OPHN1: variants seen among roughly 807,000 people sequenced by gnomAD.
The protein encoded by OPHN1 is oligophrenin-1.
In OPHN1, 11 loss-of-function variants were observed where a neutral mutation model predicts 60.7. The observed-to-expected ratio is 0.18, with a 90% CI of 0.11 to 0.30. The LOEUF (loss-of-function observed/expected upper bound fraction) is 0.30, where lower values mean the gene tolerates loss of function less well. OPHN1 is among the 10% of genes least tolerant of loss of function. The probability of loss-of-function intolerance (pLI) is 1.00; values close to 1 mark genes in which losing one functional copy is unlikely to be tolerated. For missense variants in OPHN1, 449 were observed against 611.0 expected (o/e 0.73, Z 2.80); for synonymous variants, 226 against 222.6 (o/e 1.02, Z -0.14).
intron 4 of OPHN1, among the ~76,000 whole-genome samples, chrX:68,279,764 G>C (rs752982912): frequency 5.4e-5 from 6 of 111,557 alleles, no homozygotes; most frequent in Non-Finnish European, 9.4e-5. Flanking sequence ...GTGGGAAATA[G>C]GGAGCAAACA....
intron 21 of OPHN1, among the ~76,000 whole-genome samples, chrX:68,061,863 C>T (rs955944306): frequency 5.4e-5 from 6 of 111,257 alleles, no homozygotes; most frequent in Non-Finnish European, 7.5e-5. Flanking sequence ...CCCTCCCATC[C>T]GCACACTGAA....
At chrX:68,069,010 A>G (rs1222565101) in intron 20 of OPHN1, among the ~76,000 whole-genome samples, 1 of 112,070 alleles carries the variant, frequency 8.9e-6, no homozygotes, top group Non-Finnish European at 1.9e-5. Context: ...TTTACTAAAA[A>G]CCATTAAACT....
At chrX:68,118,036 T>C (rs990499019) in intron 16 of OPHN1, among the ~76,000 whole-genome samples, 20 of 112,045 alleles carry the variant, frequency 1.8e-4, no homozygotes, top group Non-Finnish European at 1.9e-5. Context: ...AAAGTATTTG[T>C]AACAGATTGC....
chrX:68,151,382 T>G (rs758801324), intron 15 of OPHN1, among the ~76,000 whole-genome samples: 6 of 112,189 alleles, frequency 5.3e-5, no homozygotes, highest in Non-Finnish European at 1.1e-4. Context: ...CCAGTCTTAG[T>G]AGGTATGAGT....
intron 15 of OPHN1, among the ~76,000 whole-genome samples, chrX:68,185,056 C>A (rs1204083614): frequency 8.9e-6 from 1 of 112,602 alleles, no homozygotes; most frequent in East Asian, 2.8e-4. Context: ...TGAAGAATCA[C>A]CTCTGACTAG....
chrX:68,307,486 G>A (rs983408443), intron 2 of OPHN1, among the ~76,000 whole-genome samples: 4 of 108,277 alleles, frequency 3.7e-5, no homozygotes, highest in Admixed American at 1.0e-4. Flanking sequence ...AATTTATAGC[G>A]AATGGATATA....
intron 18 of OPHN1, among the ~76,000 whole-genome samples, chrX:68,104,895 T>G (rs1227075695): frequency 9.0e-6 from 1 of 111,228 alleles, no homozygotes; most frequent in East Asian, 2.8e-4. Flanking sequence ...GGGAGAAAAT[T>G]TTTGCAATCT....
intron 20 of OPHN1, among the ~76,000 whole-genome samples, chrX:68,070,288 A>AT (rs1473131961): frequency 7.2e-5 from 8 of 111,488 alleles, no homozygotes; most frequent in Non-Finnish European, 1.5e-4. Flanking sequence ...TAGAATGCAC[A>AT]ATGGTTTAGT....
intron 2 of OPHN1, among the ~76,000 whole-genome samples, chrX:68,314,026 A>C (rs1181699569): frequency 9.0e-6 from 1 of 110,879 alleles, no homozygotes; most frequent in Non-Finnish European, 1.9e-5. Context: ...AAAAGAAATA[A>C]ATGAGAGGAC....
chrX:68,342,751 G>A (rs2078359251), intron 2 of OPHN1, among the ~76,000 whole-genome samples: 1 of 110,467 alleles, frequency 9.1e-6, no homozygotes, highest in Non-Finnish European at 1.9e-5. Flanking sequence ...AGACCAGCCT[G>A]GGCAGCATGG....
intron 11 of OPHN1, among the ~76,000 whole-genome samples, chrX:68,198,029 C>T (rs1258794926): frequency 2.7e-5 from 3 of 111,221 alleles, no homozygotes; most frequent in African/African-American, 9.8e-5. Context: ...CCATATTCTT[C>T]ATTACTACAA....
chrX:68,193,625 A>G (rs1332590586), intron 14 of OPHN1, among the ~76,000 whole-genome samples: 1 of 111,808 alleles, frequency 8.9e-6, no homozygotes, highest in Non-Finnish European at 1.9e-5. Context: ...TTAGGATAGA[A>G]CCATCATGAC....
intron 2 of OPHN1, among the ~76,000 whole-genome samples, chrX:68,387,758 C>T (rs916946151): frequency 9.0e-6 from 1 of 111,572 alleles, no homozygotes; most frequent in African/African-American, 3.3e-5. Flanking sequence ...CATGTTCCTG[C>T]CCTGAAGGAA....
intron 15 of OPHN1, among the ~76,000 whole-genome samples, chrX:68,161,075 A>G (rs2077332235): frequency 9.0e-6 from 1 of 111,000 alleles, no homozygotes; most frequent in Non-Finnish European, 1.9e-5. Flanking sequence ...GAACATTACT[A>G]CCAACCTTAC....
At chrX:68,356,418 AT>A (rs201605410) in intron 2 of OPHN1, among the ~76,000 whole-genome samples, 56 of 102,119 alleles carry the variant, frequency 5.5e-4, no homozygotes, top group East Asian at 9.3e-4. Flanking sequence ...TCCTTAAAAT[AT>A]TTTTTTTTTT....
intron 23 of OPHN1, among the ~76,000 whole-genome samples, chrX:68,050,842 G>A (rs977310558): frequency 1.4e-4 from 16 of 112,190 alleles, no homozygotes; most frequent in South Asian, 3.7e-4. Flanking sequence ...GACTCTCTTC[G>A]TCTCCCTTCT....
At chrX:68,423,300 C>T (rs1198311832) in intron 2 of OPHN1, among the ~76,000 whole-genome samples, 1 of 111,889 alleles carries the variant, frequency 8.9e-6, no homozygotes, top group African/African-American at 3.3e-5. Context: ...GCTGGGATTA[C>T]AGGCATGAGC....
intron 2 of OPHN1, among the ~76,000 whole-genome samples, chrX:68,348,600 T>C (rs769417459): frequency 4.5e-4 from 50 of 112,119 alleles, no homozygotes; most frequent in Non-Finnish European, 6.4e-4. Flanking sequence ...TATATTCTTC[T>C]GTATTTTTCA....
At chrX:68,252,020 G>T (rs1249827303) in intron 5 of OPHN1, among the ~76,000 whole-genome samples, 1 of 111,892 alleles carries the variant, frequency 8.9e-6, no homozygotes, top group Non-Finnish European at 1.9e-5. Context: ...AGGAAGCAAT[G>T]GTAGGCTGGC....
Sources: gnomAD v4.1 joint callset for allele counts (sites outside exome capture counted in the v4.1 genomes callset) on GRCh38, gnomAD v4.1.1 for gene constraint, MANE v1.5 for transcripts, NCBI Gene and HGNC (gene_info 2026-07-23, HGNC 2026-07-21) for gene names.